Variants in RAPGEF4 observed in about 807,000 individuals in gnomAD.
RAPGEF4 encodes the protein RAP guanine-nucleotide-exchange factor (GEF) 4.
In RAPGEF4, 66 loss-of-function variants were observed where a neutral mutation model predicts 147.9. The ratio of observed to expected loss-of-function variants is 0.45; its 90% CI spans 0.37 to 0.55. The LOEUF (loss-of-function observed/expected upper bound fraction) is 0.55, where lower values mean the gene tolerates loss of function less well. Among genes scored for constraint, RAPGEF4 ranks in the 20% least tolerant of loss-of-function variants. The pLI is 0.00. For missense variants in RAPGEF4, 1,071 were observed against 1,257.3 expected (o/e 0.85, Z 2.24); for synonymous variants, 419 against 442.7 (o/e 0.95, Z 0.67).
intron 1 of RAPGEF4, among the ~76,000 whole-genome samples, chr2:172,773,258 A>T (rs1357649112): frequency 6.6e-6 from 1 of 152,230 alleles, no homozygotes; most frequent in African/African-American, 2.4e-5. Flanking sequence ...TATAATTATG[A>T]ACACATTTAA....
chr2:172,765,325 C>T (rs536819418), intron 1 of RAPGEF4, among the ~76,000 whole-genome samples: 12 of 152,272 alleles, frequency 7.9e-5, no homozygotes, highest in African/African-American at 2.9e-4. Flanking sequence ...TTCCAGGTGG[C>T]ATGACTTTGG....
At chr2:172,742,323 CTCTT>C (rs1694367596) in intron 1 of RAPGEF4, among the ~76,000 whole-genome samples, 1 of 152,160 alleles carries the variant, frequency 6.6e-6, no homozygotes, top group African/African-American at 2.4e-5. Context: ...TCTGGGTTCT[CTCTT>C]TCTCTCTTTT....
chr2:172,801,319 G>A (rs1686952722), intron 3 of RAPGEF4, among the ~76,000 whole-genome samples: 1 of 152,192 alleles, frequency 6.6e-6, no homozygotes, highest in Non-Finnish European at 1.5e-5. Context: ...AAGAGGTGAT[G>A]GCACAGAGTC....
chr2:172,935,236 G>A (rs1686431793), intron 6 of RAPGEF4, among the ~76,000 whole-genome samples: 1 of 152,202 alleles, frequency 6.6e-6, no homozygotes, highest in African/African-American at 2.4e-5. Context: ...TTGGGCTGAT[G>A]GGAGCCGAGG....
intron 4 of RAPGEF4, among the ~76,000 whole-genome samples, chr2:172,885,629 G>A (rs779806633): frequency 6.6e-6 from 1 of 152,112 alleles, no homozygotes; most frequent in Non-Finnish European, 1.5e-5. Context: ...AGGGGTTTCC[G>A]CTTACAAAAC....
intron 4 of RAPGEF4, among the ~76,000 whole-genome samples, chr2:172,875,952 G>T (rs1695866317): frequency 6.6e-6 from 1 of 152,068 alleles, no homozygotes; most frequent in East Asian, 1.9e-4. Flanking sequence ...CCTTGAAGAG[G>T]TCCTTCACAT....
At chr2:172,818,017 A>G in intron 4 of RAPGEF4, among the ~76,000 whole-genome samples, 1 of 150,704 alleles carries the variant, frequency 6.6e-6, no homozygotes, top group East Asian at 1.9e-4. Flanking sequence ...AAAAAGGAAC[A>G]AAATCATGGC....
intron 29 of RAPGEF4, among the ~76,000 whole-genome samples, chr2:173,047,543 C>A (rs12474338): frequency 0.26 from 39,767 of 152,040 alleles, 5,569 homozygotes; most frequent in East Asian, 0.6. Flanking sequence ...GAATTCAAAT[C>A]TTTTAAAAAC....
intron 3 of RAPGEF4, among the ~76,000 whole-genome samples, chr2:172,805,827 A>C (rs907715237): frequency 6.6e-6 from 1 of 152,216 alleles, no homozygotes; most frequent in African/African-American, 2.4e-5. Context: ...TAAAAGTTAC[A>C]TAGGGCTAAA....
intron 6 of RAPGEF4, among the ~76,000 whole-genome samples, chr2:172,926,426 ATACTT>A (rs1480852695): frequency 4.6e-5 from 7 of 152,272 alleles, no homozygotes; most frequent in South Asian, 4.1e-4. Context: ...TTAGAAGGTA[ATACTT>A]TACTTTAGTG....
chr2:172,820,700 C>A (rs926856070), intron 4 of RAPGEF4, among the ~76,000 whole-genome samples: 3 of 152,170 alleles, frequency 2.0e-5, no homozygotes, highest in Admixed American at 2.0e-4. Flanking sequence ...TAAGAAAGTG[C>A]ACGTTTCTGT....
intron 1 of RAPGEF4, among the ~76,000 whole-genome samples, chr2:172,768,894 G>T (rs906480288): frequency 6.6e-6 from 1 of 152,224 alleles, no homozygotes; most frequent in African/African-American, 2.4e-5. Flanking sequence ...TCAGGTAGAT[G>T]TTTCCTCTGC....
chr2:172,949,813 A>G (rs541131483), intron 6 of RAPGEF4, among the ~76,000 whole-genome samples: 1 of 152,374 alleles, frequency 6.6e-6, no homozygotes, highest in East Asian at 1.9e-4. Context: ...TATTCAAACT[A>G]GAATTACATA....
chr2:172,945,089 T>C (rs2105351398), intron 6 of RAPGEF4, among the ~76,000 whole-genome samples: 1 of 152,302 alleles, frequency 6.6e-6, no homozygotes, highest in Admixed American at 6.5e-5. Flanking sequence ...TACTTATTTC[T>C]TTGGCCTTTT....
intron 29 of RAPGEF4, among the ~76,000 whole-genome samples, chr2:173,038,913 A>C (rs1017592611): frequency 4.6e-5 from 7 of 152,190 alleles, no homozygotes; most frequent in Admixed American, 1.3e-4. Context: ...ACCTGCAAGG[A>C]AAAGTCAAGG....
rs35418559 is a variant in RAPGEF4 at position 173,011,852 on chromosome 2, C to CAA, written c.1659-2600_1659-2599dup. Among the ~76,000 whole-genome samples the CAA allele has an allele frequency of 6.3e-3, 903 of 143,330 alleles. 6 individuals are homozygous for CAA. The highest frequency in any genetic ancestry group is 0.029 in the Middle Eastern group (8 of 272). The allele number at this position is 143,330 out of a possible 152,430, so 94.0% of individuals were successfully genotyped here. On this transcript the variant is annotated intron_variant, in intron 17 of 30. Transcript: ENST00000397081. ...AAAACCACATTAGCAGACTCCGTCT[C>CAA]AAAAAAAAAAAAACCACATTAGCAC... is the stretch of plus-strand genomic sequence containing the variant.
intron 1 of RAPGEF4, among the ~76,000 whole-genome samples, chr2:172,785,956 G>A (rs1365062459): frequency 6.6e-6 from 1 of 152,074 alleles, no homozygotes; most frequent in East Asian, 1.9e-4. Context: ...CACGGTAAAG[G>A]GTTTGCAAAT....
At chr2:173,038,891 G>A (rs1684388116) in intron 29 of RAPGEF4, among the ~76,000 whole-genome samples, 1 of 152,200 alleles carries the variant, frequency 6.6e-6, no homozygotes, top group African/African-American at 2.4e-5. Flanking sequence ...AGATCTTGGT[G>A]TCCCATCCGT....
chr2:172,853,772 A>G (rs950305348), intron 4 of RAPGEF4, among the ~76,000 whole-genome samples: 10 of 151,896 alleles, frequency 6.6e-5, no homozygotes, highest in African/African-American at 1.7e-4. Context: ...TATTTCCCCT[A>G]TGATTTCTTC....
Sources: allele counts gnomAD v4.1 joint callset (sites outside exome capture counted in the v4.1 genomes callset), GRCh38; gene constraint gnomAD v4.1.1; transcripts MANE v1.5; gene names NCBI Gene and HGNC (gene_info 2026-07-23, HGNC 2026-07-21).